NALCN: variants seen among roughly 807,000 people sequenced by gnomAD.
NALCN encodes the protein sodium leak channel NALCN.
NALCN carries 111 observed loss-of-function variants against 225.3 expected under a neutral mutation model. That is an observed-to-expected ratio of 0.49 (90% CI 0.42 to 0.58). The LOEUF (loss-of-function observed/expected upper bound fraction) is 0.58. NALCN is among the 20% of genes least tolerant of loss of function. The pLI is 0.00. For synonymous variants in NALCN, 764 were observed against 769.0 expected (o/e 0.99, Z 0.11); for missense variants, 1,378 against 2,202.4 (o/e 0.63, Z 7.49).
At chr13:101,143,908 G>C (rs1345902429) in intron 16 of NALCN, among the ~76,000 whole-genome samples, 1 of 152,152 alleles carries the variant, frequency 6.6e-6, no homozygotes, top group Non-Finnish European at 1.5e-5. Context: ...AAGCAAGTGC[G>C]TTCATCTGAT....
intron 15 of NALCN, among the ~76,000 whole-genome samples, chr13:101,150,552 G>C (rs2037597309): frequency 6.6e-6 from 1 of 152,160 alleles, no homozygotes; most frequent in Admixed American, 6.5e-5. Context: ...CAGGGTGTGT[G>C]TTGGTGGTGG....
chr13:101,343,397 G>C (rs984010129), intron 7 of NALCN, among the ~76,000 whole-genome samples: 4 of 152,178 alleles, frequency 2.6e-5, no homozygotes, highest in Admixed American at 6.6e-5. Context: ...AATGAATATT[G>C]CCAACAAAAA....
intron 7 of NALCN, among the ~76,000 whole-genome samples, chr13:101,311,085 A>G (rs1199661465): frequency 6.6e-6 from 1 of 151,252 alleles, no homozygotes; most frequent in African/African-American, 2.4e-5. Context: ...CATCCCTCGT[A>G]AGTTGGATTG....
intron 3 of NALCN, among the ~76,000 whole-genome samples, chr13:101,383,546 A>C (rs2046907024): frequency 6.6e-6 from 1 of 152,244 alleles, no homozygotes; most frequent in African/African-American, 2.4e-5. Flanking sequence ...AGCAGATATT[A>C]AATGAATGAT....
intron 6 of NALCN, among the ~76,000 whole-genome samples, chr13:101,373,306 A>G (rs535249598): frequency 2.0e-5 from 3 of 152,312 alleles, no homozygotes; most frequent in Admixed American, 6.5e-5. Context: ...CACTTGTTTT[A>G]TGAGGACAGC....
chr13:101,068,165 A>T (rs1175566850), intron 38 of NALCN, 132 bp from the exon 39 acceptor site: 1 of 623,404 alleles, frequency 1.6e-6, no homozygotes, highest in Admixed American at 3.3e-5. Flanking sequence ...AAGTGCTTTT[A>T]GTATGGTTTC....
intron 14 of NALCN, among the ~76,000 whole-genome samples, chr13:101,187,330 G>A (rs1416871797): frequency 6.6e-6 from 1 of 152,046 alleles, no homozygotes; most frequent in East Asian, 1.9e-4. Flanking sequence ...CATGGTTTCA[G>A]GTATCTACTG....
intron 7 of NALCN, among the ~76,000 whole-genome samples, chr13:101,300,481 C>T (rs1019615053): frequency 6.6e-6 from 1 of 150,496 alleles, no homozygotes; most frequent in Non-Finnish European, 1.5e-5. Context: ...GATGGAGTCT[C>T]GCCCTGTCAC....
chr13:101,206,720 T>C (rs1484678056), intron 13 of NALCN, among the ~76,000 whole-genome samples: 2 of 136,438 alleles, frequency 1.5e-5, no homozygotes, highest in Non-Finnish European at 3.3e-5. Context: ...AAACAACAGG[T>C]TTTTTAAATA....
At chr13:101,082,013 G>C (rs535511836) in intron 33 of NALCN, among the ~76,000 whole-genome samples, 1 of 152,222 alleles carries the variant, frequency 6.6e-6, no homozygotes, top group African/African-American at 2.4e-5. Context: ...GAGTAGCTGA[G>C]ATTATAGGCA....
At chr13:101,143,353 T>A in intron 16 of NALCN, 132 bp from the exon 17 acceptor site, 2 of 857,692 alleles carry the variant, frequency 2.3e-6, no homozygotes, top group Non-Finnish European at 3.3e-6. Flanking sequence ...AGATCATGAC[T>A]AAAATATTTC....
intron 7 of NALCN, among the ~76,000 whole-genome samples, chr13:101,310,140 CT>C (rs552783634): frequency 7.2e-4 from 109 of 152,306 alleles, no homozygotes; most frequent in African/African-American, 2.6e-3. Flanking sequence ...ACAGTCTCTT[CT>C]GTCATTGCTT....
intron 7 of NALCN, among the ~76,000 whole-genome samples, chr13:101,316,555 T>C (rs1394931166): frequency 2.6e-5 from 4 of 152,178 alleles, no homozygotes; most frequent in Admixed American, 2.0e-4. Context: ...TTATGTGAGG[T>C]CCAGCAAAGA....
chr13:101,215,516 G>T (rs2140092351), intron 13 of NALCN, among the ~76,000 whole-genome samples: 1 of 152,176 alleles, frequency 6.6e-6, no homozygotes, highest in South Asian at 2.1e-4. Context: ...AAATCAAGAT[G>T]CTGGCTGGGC....
intron 38 of NALCN, 76 bp from the exon 39 acceptor site, chr13:101,068,109 T>C: frequency 1.1e-6 from 1 of 873,616 alleles, no homozygotes. Context: ...AAAACATCTA[T>C]TATTAATAAT....
intron 13 of NALCN, among the ~76,000 whole-genome samples, chr13:101,204,469 C>G (rs1176755143): frequency 6.6e-6 from 1 of 152,034 alleles, no homozygotes; most frequent in Admixed American, 6.5e-5. Context: ...TTTTAGATGA[C>G]TAAGGAAAAG....
chr13:101,065,899 C>A (rs987517472), intron 39 of NALCN, among the ~76,000 whole-genome samples: 1 of 152,140 alleles, frequency 6.6e-6, no homozygotes, highest in African/African-American at 2.4e-5. Flanking sequence ...GTCCCACAGA[C>A]GCCACCTCCA....
rs552492128 is a variant in NALCN at position 101,112,428 on chromosome 13, T to C, written c.2193-1202A>G. On this transcript the variant is annotated intron_variant, in intron 18 of 43. Transcript: ENST00000251127. ...GAATGATTTTGGTGAGAAAAAAAAATTATTCTCCAGAAAATTTTCTCCAAC... is the reference window on the plus strand; with the variant it reads ...GAATGATTTTGGTGAGAAAAAAAAACTATTCTCCAGAAAATTTTCTCCAAC... Among the ~76,000 whole-genome samples the C allele has an allele frequency of 1.4e-4, 21 of 152,244 alleles. No homozygotes were observed. In the South Asian group the frequency reaches 4.0e-3, roughly 29 times the overall value.
chr13:101,362,155 A>C (rs1412540885), intron 6 of NALCN, among the ~76,000 whole-genome samples: 1 of 152,044 alleles, frequency 6.6e-6, no homozygotes, highest in East Asian at 1.9e-4. Context: ...ATTTAGATGA[A>C]GTCGAATCCC....
Sources: allele counts gnomAD v4.1 joint callset (sites outside exome capture counted in the v4.1 genomes callset), GRCh38; gene constraint gnomAD v4.1.1; transcripts MANE v1.5; gene names NCBI Gene and HGNC (gene_info 2026-07-23, HGNC 2026-07-21).